BNC2: variants seen among roughly 807,000 people sequenced by gnomAD.
BNC2 encodes basonuclin zinc finger protein 2, also known as zinc finger protein basonuclin-2.
Under a neutral mutation model 76.3 loss-of-function variants are expected in BNC2, and 20 were observed. The ratio of observed to expected loss-of-function variants is 0.26; its 90% CI spans 0.18 to 0.38. BNC2 has a LOEUF of 0.38. BNC2 is among the 10% of genes least tolerant of loss of function. BNC2 has a pLI of 1.00. For missense variants in BNC2, 1,382 were observed against 1,399.8 expected, an observed-to-expected ratio of 0.99 and a Z score of 0.20; for synonymous variants, 582 against 514.8, an observed-to-expected ratio of 1.13 and a Z score of -1.77.
At chr9:16,451,409 G>A (rs1427404509) in intron 5 of BNC2, among the ~76,000 whole-genome samples, 1 of 152,034 alleles carries the variant, frequency 6.6e-6, no homozygotes, top group Non-Finnish European at 1.5e-5. Context: ...ATGAGGTTGG[G>A]AATATTTCAC....
intron 3 of BNC2, among the ~76,000 whole-genome samples, chr9:16,628,716 T>C (rs1821071986): frequency 6.6e-6 from 1 of 152,172 alleles, no homozygotes; most frequent in Non-Finnish European, 1.5e-5. Flanking sequence ...TATACAACAA[T>C]AAGCTTCATT....
intron 1 of BNC2, among the ~76,000 whole-genome samples, chr9:16,820,278 T>C (rs1451499110): frequency 6.6e-6 from 1 of 150,884 alleles, no homozygotes; most frequent in Admixed American, 6.6e-5. Context: ...ATACAAAAAT[T>C]AGCTGGGCGT....
chr9:16,853,390 G>A (rs1438960748), intron 1 of BNC2, among the ~76,000 whole-genome samples: 3 of 146,160 alleles, frequency 2.1e-5, no homozygotes, highest in African/African-American at 5.1e-5. Flanking sequence ...TGAGTGATGA[G>A]AGTGAGACCT....
In BNC2 at chr9:16,418,759, T is replaced by C; in HGVS notation, c.*230A>G. On this transcript the variant is annotated 3_prime_UTR_variant, in exon 7 of 7. Coordinates refer to ENST00000380672, the MANE Select transcript of BNC2 (RefSeq NM_017637.6). Reference sequence around the variant, plus strand: ...TTCACCCTGAAATCAAAGATCCCACTCCTTTCCCAAAACTATAAAGGGAAG... The same window carrying C: ...TTCACCCTGAAATCAAAGATCCCACCCCTTTCCCAAAACTATAAAGGGAAG... 1.9e-6 allele frequency: 1 copy of C among 524,214 alleles called. No homozygotes were observed. The highest frequency in any genetic ancestry group is 3.4e-6 in the Non-Finnish European group (1 of 293,448). The allele number at this position is 524,214 out of a possible 1,614,324, so 32.5% of individuals were successfully genotyped here. A position where few individuals can be genotyped will look rare whatever the true frequency, so the allele number is the denominator to read the frequency against.
chr9:16,844,752 G>GCCTC (rs1563968055), intron 1 of BNC2, among the ~76,000 whole-genome samples: 5 of 152,060 alleles, frequency 3.3e-5, no homozygotes. Context: ...ACCTGCCTTG[G>GCCTC]CCAAAGTGCT....
At chr9:16,837,347 T>C (rs901822908) in intron 1 of BNC2, among the ~76,000 whole-genome samples, 5 of 151,768 alleles carry the variant, frequency 3.3e-5, no homozygotes, top group Non-Finnish European at 7.4e-5. Context: ...CTACTAAAAA[T>C]ACAAAAATTA....
chr9:16,600,803 T>C (rs970687633), intron 3 of BNC2, among the ~76,000 whole-genome samples: 5 of 152,230 alleles, frequency 3.3e-5, no homozygotes, highest in African/African-American at 1.2e-4. Flanking sequence ...TAAAGTTAGT[T>C]TGTGTATGAA....
At chr9:16,848,260 C>T (rs1431307808) in intron 1 of BNC2, among the ~76,000 whole-genome samples, 2 of 152,158 alleles carry the variant, frequency 1.3e-5, no homozygotes, top group East Asian at 1.9e-4. Context: ...TGACAGCTTC[C>T]ATCTCCCAAG....
intron 3 of BNC2, among the ~76,000 whole-genome samples, chr9:16,698,086 G>C (rs950888797): frequency 1.3e-5 from 2 of 152,130 alleles, no homozygotes; most frequent in Admixed American, 6.5e-5. Flanking sequence ...ATAGAGCCCT[G>C]CCTATTCCTT....
At chr9:16,737,586 C>G (rs1824714497) in intron 2 of BNC2, among the ~76,000 whole-genome samples, 1 of 149,986 alleles carries the variant, frequency 6.7e-6, no homozygotes, top group South Asian at 2.1e-4. Flanking sequence ...CGCTATGTTG[C>G]CCAGGCAAGT....
At chr9:16,578,910 T>C (rs184899510) in intron 4 of BNC2, among the ~76,000 whole-genome samples, 1 of 152,312 alleles carries the variant, frequency 6.6e-6, no homozygotes, top group Admixed American at 6.5e-5. Flanking sequence ...TTACAGAGAC[T>C]TGACAGAATT....
rs553147355 is a variant in BNC2, at chr9:16,555,430, C to T, written c.434-2665G>A. On this transcript the variant is annotated intron_variant, in intron 4 of 6. Coordinates refer to ENST00000380672, the MANE Select transcript of BNC2 (RefSeq NM_017637.6). ...AAAAATATTTCCCTAGATATGCTTT[C>T]GAGAACACCTGAGACTGAGGATATT... Among the ~76,000 whole-genome samples, 12 of 152,250 alleles carry T rather than the reference C, an allele frequency of 7.9e-5. No homozygotes were observed. In the South Asian group the frequency reaches 2.5e-3, roughly 32 times the overall value.
intron 2 of BNC2, among the ~76,000 whole-genome samples, chr9:16,734,386 C>G (rs1468043039): frequency 2.0e-5 from 3 of 152,212 alleles, no homozygotes; most frequent in African/African-American, 7.2e-5. Flanking sequence ...AGGGTCTTTA[C>G]AGATTCAAAT....
intron 5 of BNC2, among the ~76,000 whole-genome samples, chr9:16,519,675 G>C (rs1817554307): frequency 6.6e-6 from 1 of 152,156 alleles, no homozygotes; most frequent in African/African-American, 2.4e-5. Context: ...TTCTCATTAG[G>C]TACTAAGCAC....
At chr9:16,575,104 G>A in intron 4 of BNC2, 1 of 211,244 alleles carries the variant, frequency 4.7e-6, no homozygotes, top group Non-Finnish European at 8.2e-6. Flanking sequence ...AGAACACTAT[G>A]AGCTAGGAGC....
intron 3 of BNC2, among the ~76,000 whole-genome samples, chr9:16,653,792 C>T (rs1460192156): frequency 1.3e-5 from 2 of 152,170 alleles, no homozygotes; most frequent in East Asian, 1.9e-4. Context: ...TTTTGGACTA[C>T]GGCTGTGCCC....
At chr9:16,621,934 T>C (rs1229287091) in intron 3 of BNC2, among the ~76,000 whole-genome samples, 3 of 152,196 alleles carry the variant, frequency 2.0e-5, no homozygotes, top group African/African-American at 7.2e-5. Flanking sequence ...CAATTTCACC[T>C]GTTTCTTTTT....
At chr9:16,738,843 C>A (rs1373735616) in intron 1 of BNC2, among the ~76,000 whole-genome samples, 2 of 149,886 alleles carry the variant, frequency 1.3e-5, no homozygotes, top group Non-Finnish European at 3.0e-5. Flanking sequence ...GCCCCCCGCC[C>A]CGCTCCCTTG....
In BNC2 at chr9:16,760,833, G is replaced by C. The variant is rs1006445214; in HGVS notation, c.4-22348C>G. On this transcript the variant is annotated intron_variant, in intron 1 of 6. Coordinates refer to ENST00000380672, the MANE Select transcript of BNC2 (RefSeq NM_017637.6). ...AGTTGCTGACAGGAAATTTGGGGAGGAGAGGGAAACAGGGGAAAAAATAAT... is the reference window on the plus strand; with the variant it reads ...AGTTGCTGACAGGAAATTTGGGGAGCAGAGGGAAACAGGGGAAAAAATAAT... Among the ~76,000 whole-genome samples, 5 of 152,204 alleles carry C rather than the reference G, an allele frequency of 3.3e-5. No homozygotes were observed. The East Asian group carries it at 7.7e-4, about 23-fold the overall frequency.
Sources: allele counts gnomAD v4.1 joint callset (sites outside exome capture counted in the v4.1 genomes callset), GRCh38; gene constraint gnomAD v4.1.1; transcripts MANE v1.5; gene names NCBI Gene and HGNC (gene_info 2026-07-23, HGNC 2026-07-21).